Variants in GRIA1 observed in about 807,000 individuals in gnomAD.
GRIA1 encodes glutamate ionotropic receptor AMPA type subunit 1.
GRIA1 carries 31 observed loss-of-function variants against 99.2 expected under a neutral mutation model. The observed-to-expected ratio is 0.31, with a 90% CI of 0.23 to 0.42. The LOEUF is 0.42. Ranked by LOEUF, GRIA1 falls within the 10% of genes least tolerant of loss-of-function variation. The pLI, the probability that GRIA1 is intolerant of heterozygous loss-of-function variation, is 1.00. For synonymous variants in GRIA1, 438 were observed against 432.4 expected, an observed-to-expected ratio of 1.01 and a Z score of -0.16; for missense variants, 782 against 1,157.5, an observed-to-expected ratio of 0.68 and a Z score of 4.71.
intron 5 of GRIA1, among the ~76,000 whole-genome samples, chr5:153,669,249 C>T (rs75172127): frequency 0.033 from 5,078 of 152,210 alleles, 144 homozygotes; most frequent in Admixed American, 0.058. Context: ...ACATCTCAAA[C>T]AATTATTATT....
At chr5:153,788,024 G>A (rs1765077526) in intron 13 of GRIA1, among the ~76,000 whole-genome samples, 2 of 151,966 alleles carry the variant, frequency 1.3e-5, no homozygotes, top group African/African-American at 2.4e-5. Context: ...AGCTTGCAGT[G>A]AGCTGAGATC....
At chr5:153,766,246 G>A (rs1214516063) in intron 12 of GRIA1, among the ~76,000 whole-genome samples, 1 of 152,152 alleles carries the variant, frequency 6.6e-6, no homozygotes, top group Admixed American at 6.5e-5. Context: ...ACTTGCTTAA[G>A]CTCACCCAGC....
intron 4 of GRIA1, among the ~76,000 whole-genome samples, chr5:153,655,127 G>C (rs1363677): frequency 6.6e-6 from 1 of 151,958 alleles, no homozygotes; most frequent in Non-Finnish European, 1.5e-5. Flanking sequence ...TCTGGGCAAA[G>C]CATTTTCCCT....
At position 153,494,040 on chromosome 5, in the gene GRIA1, C is replaced by T. The variant is rs778014621; in HGVS notation, c.195C>T (p.Ser65=). Residue 65 remains serine (S), a synonymous_variant, in exon 2 of 16, where the codon AGC becomes AGT. Transcript: ENST00000285900. ...LLPQIDIVNI[S]DSFEMTYRFC... ...CCCAGATTGATATTGTGAACATCAG[C>T]GACAGCTTTGAGATGACCTATAGAT... 35 of 1,613,834 alleles carry T rather than the reference C, an allele frequency of 2.2e-5. No individual in the cohort carries two copies. The highest frequency in any genetic ancestry group is 6.6e-5 in the South Asian group (6 of 91,078).
At chr5:153,635,976 A>C (rs1041137940) in intron 2 of GRIA1, among the ~76,000 whole-genome samples, 6 of 152,172 alleles carry the variant, frequency 3.9e-5, no homozygotes, top group Non-Finnish European at 5.9e-5. Context: ...TGTTAGTTGC[A>C]GTCTATCTGT....
chr5:153,760,624 C>T lies in GRIA1; in HGVS notation c.1824-3810C>T, dbSNP rs540860132. On this transcript the variant is annotated intron_variant, in intron 11 of 15. Transcript: ENST00000285900. ...CCCAAAGCAATCTACAGATTCAATG[C>T]AATCCCTATCATAATGTCAACAACC... Among the ~76,000 whole-genome samples, 6 of 152,158 alleles carry T rather than the reference C, an allele frequency of 3.9e-5. No homozygotes were observed. The South Asian group carries it at 1.2e-3, about 32-fold the overall frequency.
intron 11 of GRIA1, among the ~76,000 whole-genome samples, chr5:153,749,857 A>G (rs1762398900): frequency 6.6e-6 from 1 of 152,118 alleles, no homozygotes. Context: ...AAAAATAGGA[A>G]CAAAGGACGA....
At chr5:153,759,475 G>A (rs1443888150) in intron 11 of GRIA1, among the ~76,000 whole-genome samples, 2 of 151,720 alleles carry the variant, frequency 1.3e-5, no homozygotes, top group Admixed American at 1.3e-4. Context: ...TAAGTTCTTA[G>A]ACACATGCAA....
At chr5:153,737,356 C>T (rs1020761810) in intron 11 of GRIA1, among the ~76,000 whole-genome samples, 4 of 148,674 alleles carry the variant, frequency 2.7e-5, no homozygotes, top group African/African-American at 7.5e-5. Context: ...ATTTGGAGCT[C>T]GGAAAGATTA....
At chr5:153,496,946 C>T (rs879924928) in intron 2 of GRIA1, among the ~76,000 whole-genome samples, 1 of 151,682 alleles carries the variant, frequency 6.6e-6, no homozygotes, top group Non-Finnish European at 1.5e-5. Context: ...TATTCATTGT[C>T]CCTCCACCAG....
intron 6 of GRIA1, among the ~76,000 whole-genome samples, chr5:153,676,395 G>A (rs887127063): frequency 6.6e-6 from 1 of 152,116 alleles, no homozygotes; most frequent in Non-Finnish European, 1.5e-5. Flanking sequence ...TGTCAGGAGA[G>A]GGTATAATTG....
At chr5:153,764,748 G>T (rs192798867) in intron 12 of GRIA1, 116 bp downstream of exon 12, 12 of 712,390 alleles carry the variant, frequency 1.7e-5, no homozygotes, top group Admixed American at 4.7e-5. Context: ...GTGCTTAACT[G>T]ACTGTAAGTC....
At chr5:153,634,453 G>A (rs986867153) in intron 2 of GRIA1, among the ~76,000 whole-genome samples, 2 of 152,158 alleles carry the variant, frequency 1.3e-5, no homozygotes, top group Admixed American at 6.5e-5. Context: ...AGCTTTCTAG[G>A]AGATAACAGC....
chr5:153,495,838 C>T (rs189503182), intron 2 of GRIA1, among the ~76,000 whole-genome samples: 1 of 152,240 alleles, frequency 6.6e-6, no homozygotes, highest in Admixed American at 6.5e-5. Flanking sequence ...TGATTAGGGT[C>T]TTTGGAAGGG....
chr5:153,605,102 G>A (rs937344596), intron 2 of GRIA1, among the ~76,000 whole-genome samples: 2 of 151,726 alleles, frequency 1.3e-5, no homozygotes, highest in African/African-American at 2.4e-5. Flanking sequence ...CAGGAGAATC[G>A]CTTGAGCCCA....
At chr5:153,701,908 A>G (rs1454780182) in intron 10 of GRIA1, among the ~76,000 whole-genome samples, 2 of 152,110 alleles carry the variant, frequency 1.3e-5, no homozygotes, top group Admixed American at 6.5e-5. Flanking sequence ...TAGTAGTCAC[A>G]TTTCATCGTG....
At chr5:153,703,652 A>G (rs929855542) in intron 10 of GRIA1, among the ~76,000 whole-genome samples, 1 of 152,186 alleles carries the variant, frequency 6.6e-6, no homozygotes, top group Non-Finnish European at 1.5e-5. Flanking sequence ...AGGCATGAGC[A>G]TTGCTTGAAC....
chr5:153,795,683 T>G, intron 14 of GRIA1: 2 of 686,280 alleles, frequency 2.9e-6, no homozygotes, highest in Middle Eastern at 2.5e-4. Context: ...CTTGGAGGCC[T>G]TAGAGAGCTG....
intron 13 of GRIA1, among the ~76,000 whole-genome samples, chr5:153,791,557 G>T (rs1352530835): frequency 1.3e-5 from 2 of 152,128 alleles, no homozygotes; most frequent in South Asian, 2.1e-4. Flanking sequence ...AAGCACAATG[G>T]TTATATGCAT....
Sources: allele counts gnomAD v4.1 joint callset (sites outside exome capture counted in the v4.1 genomes callset), GRCh38; gene constraint gnomAD v4.1.1; transcripts MANE v1.5; gene names NCBI Gene and HGNC (gene_info 2026-07-23, HGNC 2026-07-21).